ADGRL3: variants seen among roughly 807,000 people sequenced by gnomAD.
ADGRL3 encodes adhesion G protein-coupled receptor L3.
ADGRL3 carries 62 observed loss-of-function variants against 153.5 expected under a neutral mutation model. The observed-to-expected ratio is 0.40, with a 90% CI of 0.33 to 0.50. The LOEUF (loss-of-function observed/expected upper bound fraction) is 0.50. Among genes scored for constraint, ADGRL3 ranks in the 20% least tolerant of loss-of-function variants. ADGRL3 has a pLI of 0.47. For missense variants in ADGRL3, 1,641 were observed against 1,859.4 expected (o/e 0.88, Z 2.16); for synonymous variants, 710 against 672.5 (o/e 1.06, Z -0.86).
At chr4:61,554,279 C>T (rs555374176) in intron 4 of ADGRL3, among the ~76,000 whole-genome samples, 4 of 151,722 alleles carry the variant, frequency 2.6e-5, no homozygotes, top group East Asian at 3.9e-4. Context: ...CTGCAACCTC[C>T]ACCTCCCAGG....
chr4:61,638,533 CAT>C (rs1262537843), intron 5 of ADGRL3, among the ~76,000 whole-genome samples: 1 of 152,144 alleles, frequency 6.6e-6, no homozygotes, highest in Non-Finnish European at 1.5e-5. Context: ...GTTATTCTGG[CAT>C]ACAGTCCACT....
chr4:62,031,644 G>T (rs746273007), intron 23 of ADGRL3, 34 bp downstream of exon 23: 1 of 1,485,960 alleles, frequency 6.7e-7, no homozygotes, highest in Non-Finnish European at 9.3e-7. Context: ...AATAAAAATG[G>T]CATACATTTC....
At chr4:61,402,496 C>T (rs1018016636) in intron 2 of ADGRL3, among the ~76,000 whole-genome samples, 3 of 152,052 alleles carry the variant, frequency 2.0e-5, no homozygotes, top group Non-Finnish European at 4.4e-5. Context: ...AAGATTTGGA[C>T]AGATCAACTT....
chr4:61,706,140 G>C (rs2095853489), intron 6 of ADGRL3, among the ~76,000 whole-genome samples: 1 of 152,058 alleles, frequency 6.6e-6, no homozygotes, highest in Admixed American at 6.6e-5. Flanking sequence ...AGGCTGTTCT[G>C]GCCAGGCGCG....
At chr4:61,401,572 C>T (rs2096930454) in intron 2 of ADGRL3, among the ~76,000 whole-genome samples, 1 of 151,818 alleles carries the variant, frequency 6.6e-6, no homozygotes, top group African/African-American at 2.4e-5. Flanking sequence ...TATTGAATAA[C>T]TATTATGGTT....
intron 8 of ADGRL3, among the ~76,000 whole-genome samples, chr4:61,807,666 A>G (rs1264204359): frequency 6.6e-6 from 1 of 152,168 alleles, no homozygotes; most frequent in African/African-American, 2.4e-5. Context: ...ATTTCACACT[A>G]AATTCATTTT....
At chr4:61,797,784 T>C (rs1458625451) in intron 8 of ADGRL3, among the ~76,000 whole-genome samples, 1 of 152,184 alleles carries the variant, frequency 6.6e-6, no homozygotes, top group East Asian at 1.9e-4. Context: ...CAGTTCTTAA[T>C]GGATTGGTTA....
At chr4:61,533,222 A>G (rs2098634489) in intron 4 of ADGRL3, among the ~76,000 whole-genome samples, 1 of 152,210 alleles carries the variant, frequency 6.6e-6, no homozygotes, top group African/African-American at 2.4e-5. Context: ...GTTTTTCAAC[A>G]TGCACCCTTG....
chr4:61,495,847 G>C (rs2098309841), intron 2 of ADGRL3, among the ~76,000 whole-genome samples: 1 of 152,104 alleles, frequency 6.6e-6, no homozygotes, highest in African/African-American at 2.4e-5. Context: ...CCACTGCTTT[G>C]TATTTTAGTG....
intron 2 of ADGRL3, among the ~76,000 whole-genome samples, chr4:61,464,847 T>G (rs140349258): frequency 6.6e-6 from 1 of 152,304 alleles, no homozygotes; most frequent in African/African-American, 2.4e-5. Context: ...CTCTTCTCAG[T>G]CAATGGGTTG....
At chr4:61,291,515 A>G (rs535429312) in intron 1 of ADGRL3, among the ~76,000 whole-genome samples, 1 of 114,548 alleles carries the variant, frequency 8.7e-6, no homozygotes, top group Non-Finnish European at 2.0e-5. Flanking sequence ...GAGTTGGGGG[A>G]TGGTGGTCCT....
chr4:62,021,111 T>C (rs909845547), intron 21 of ADGRL3, among the ~76,000 whole-genome samples: 8 of 152,112 alleles, frequency 5.3e-5, no homozygotes, highest in African/African-American at 1.7e-4. Context: ...TACAGAATCG[T>C]GTATTTTTTC....
At chr4:61,558,631 C>T (rs762839762) in intron 4 of ADGRL3, among the ~76,000 whole-genome samples, 18 of 151,744 alleles carry the variant, frequency 1.2e-4, no homozygotes, top group Non-Finnish European at 2.4e-4. Flanking sequence ...AATCATCTAT[C>T]TGTCTGTCTG....
intron 1 of ADGRL3, among the ~76,000 whole-genome samples, chr4:61,378,085 T>A (rs1245770365): frequency 6.6e-6 from 1 of 152,010 alleles, no homozygotes; most frequent in African/African-American, 2.4e-5. Context: ...TTATATTTAC[T>A]AAGATTTGTT....
intron 2 of ADGRL3, among the ~76,000 whole-genome samples, chr4:61,415,691 C>T (rs2097137026): frequency 6.6e-6 from 1 of 151,414 alleles, no homozygotes; most frequent in African/African-American, 2.4e-5. Flanking sequence ...CTTTAACCTT[C>T]TCTTCTTCCT....
At chr4:62,060,392 T>A (rs1262840949) in intron 25 of ADGRL3, among the ~76,000 whole-genome samples, 1 of 151,952 alleles carries the variant, frequency 6.6e-6, no homozygotes, top group Non-Finnish European at 1.5e-5. Flanking sequence ...CTGTAAGCCT[T>A]AGCCATAAAC....
chr4:61,477,547 A>T (rs1475485777), intron 2 of ADGRL3, among the ~76,000 whole-genome samples: 1 of 152,204 alleles, frequency 6.6e-6, no homozygotes, highest in Non-Finnish European at 1.5e-5. Context: ...TTATAAGCAG[A>T]AGTTGCTTCC....
At chr4:61,792,473 T>C (rs1487966009) in intron 8 of ADGRL3, among the ~76,000 whole-genome samples, 4 of 143,184 alleles carry the variant, frequency 2.8e-5, no homozygotes, top group African/African-American at 1.1e-4. Context: ...CCTTTATTTA[T>C]TTATTTATTT....
intron 23 of ADGRL3, among the ~76,000 whole-genome samples, chr4:62,032,178 A>G (rs1560530390): frequency 6.6e-6 from 1 of 151,484 alleles, no homozygotes; most frequent in Non-Finnish European, 1.5e-5. Context: ...CTTTCCCTTA[A>G]AAGCATTTAT....
Sources: gnomAD v4.1 joint callset for allele counts (sites outside exome capture counted in the v4.1 genomes callset) on GRCh38, gnomAD v4.1.1 for gene constraint, MANE v1.5 for transcripts, NCBI Gene and HGNC (gene_info 2026-07-23, HGNC 2026-07-21) for gene names.